The following ANK2 variants were observed in gnomAD, a reference collection of about 807,000 sequenced individuals.
ANK2 encodes the protein ankyrin 2.
A neutral mutation model predicts 360.5 loss-of-function variants in ANK2; 83 were observed. The ratio of observed to expected loss-of-function variants is 0.23; its 90% CI spans 0.19 to 0.28. ANK2 has a LOEUF of 0.28. Among genes scored for constraint, ANK2 ranks in the 10% least tolerant of loss-of-function variants. The pLI is 1.00. For synonymous variants in ANK2, 1,740 were observed against 1,759.5 expected (o/e 0.99, Z 0.28); for missense variants, 4,201 against 4,795.7 (o/e 0.88, Z 3.66).
chr4:112,806,396 C>A, the ANK2 span, among the ~76,000 whole-genome samples: 1 of 152,224 alleles, frequency 6.6e-6, no homozygotes, highest in Non-Finnish European at 1.5e-5. Flanking sequence ...TCTTCTTATG[C>A]TGGAATGCTA....
rs766615247 is a variant in ANK2, at chr4:113,369,704, G to C, written c.11509G>C (p.Glu3837Gln). The change falls in exon 43 of 46, where the codon GAG (glutamate) becomes CAG (glutamine). Residue 3837 changes from glutamate (E) to glutamine (Q), a missense_variant. This residue lies in a region of ANK2 where 2,642 missense variants were observed against 2,714.5 expected (regional missense o/e 0.97). Transcript: ENST00000357077. ...QEPEEPSEHREESSPRKTSLV... is the reference protein window; with the variant it reads ...QEPEEPSEHRQESSPRKTSLV... Reference sequence around the variant, plus strand: ...ACCCGAAGAGCCCTCAGAGCACAGAGAGGAGAGCTCTCCGCGGAAAACCAG... The same window carrying C: ...ACCCGAAGAGCCCTCAGAGCACAGACAGGAGAGCTCTCCGCGGAAAACCAG... 3.1e-6 allele frequency: 5 copies of C among 1,614,004 alleles called. No homozygotes were observed. The highest frequency in any genetic ancestry group is 1.7e-5 in the Admixed American group (1 of 60,010).
intron 1 of ANK2, among the ~76,000 whole-genome samples, chr4:112,880,074 TCACA>T (rs386401176): frequency 8.7e-5 from 13 of 150,276 alleles, no homozygotes; most frequent in Non-Finnish European, 1.5e-4. Context: ...TCTCTCTCTC[TCACA>T]CACACACACA....
intron 1 of ANK2, among the ~76,000 whole-genome samples, chr4:113,090,164 G>C (rs2087101709): frequency 1.3e-5 from 2 of 152,182 alleles, no homozygotes; most frequent in African/African-American, 4.8e-5. Context: ...CTTTCCCAAA[G>C]AGTGAGATTC....
At chr4:112,844,094 T>C (rs1322473097) in intron 1 of ANK2, among the ~76,000 whole-genome samples, 1 of 152,206 alleles carries the variant, frequency 6.6e-6, no homozygotes, top group Admixed American at 6.5e-5. Flanking sequence ...CTATTGTGAA[T>C]AGTATGTCAG....
chr4:113,237,900 A>G (rs768121473), intron 7 of ANK2, among the ~76,000 whole-genome samples: 48 of 152,218 alleles, frequency 3.2e-4, no homozygotes, highest in Non-Finnish European at 5.6e-4. Context: ...AGTGAGATTT[A>G]CTATTAACTT....
At chr4:113,136,006 G>T (rs1374461600) in intron 1 of ANK2, among the ~76,000 whole-genome samples, 1 of 152,062 alleles carries the variant, frequency 6.6e-6, no homozygotes, top group Non-Finnish European at 1.5e-5. Flanking sequence ...TTGTGTTTGG[G>T]CCTGCGTATA....
At chr4:113,308,536 A>G (rs1227176796) in intron 23 of ANK2, among the ~76,000 whole-genome samples, 1 of 152,232 alleles carries the variant, frequency 6.6e-6, no homozygotes, top group East Asian at 1.9e-4. Context: ...ATTTAAGAGA[A>G]GTAGAGACAG....
Position 112,860,978 on chromosome 4 carries a change from A to G in ANK2, c.-40+42714A>G, listed in dbSNP as rs2067822111. 2.6e-5 allele frequency among the ~76,000 whole-genome samples: 4 copies of G among 152,360 alleles called. No individual in the cohort carries two copies. The South Asian group carries it at 8.3e-4, about 32-fold the overall frequency. On this transcript the variant is annotated intron_variant, in intron 1 of 30. Transcript: ENST00000503271. ...GAAGGTAGTTAAAGCTAAAAGAAGC[A>G]AAGCTTTTAGATTTAATTCAGTGGG...
the ANK2 span, among the ~76,000 whole-genome samples, chr4:112,812,147 C>T: frequency 1.3e-5 from 2 of 148,924 alleles, no homozygotes; most frequent in Non-Finnish European, 3.0e-5. Flanking sequence ...AGAAAGAATT[C>T]ATACTTAACT....
At chr4:112,852,231 A>G (rs1182785873) in intron 1 of ANK2, among the ~76,000 whole-genome samples, 1 of 152,218 alleles carries the variant, frequency 6.6e-6, no homozygotes, top group Non-Finnish European at 1.5e-5. Context: ...TCCTATATGC[A>G]CCTTTGCCCA....
chr4:113,356,801 A>C lies in ANK2; in HGVS notation c.8183A>C (p.Glu2728Ala). The change falls in exon 38 of 46, where the codon GAA (glutamate) becomes GCA (alanine). Residue 2728 changes from glutamate (E) to alanine (A), a missense_variant. By Grantham distance (107) the Glu-to-Ala change is moderately radical. Transcript: ENST00000357077. ...TTCAAGATGAATGAAGATACTCAGG[A>C]AGAGCCAGGCAAATCAGAAGAAGAA... ...YTFKMNEDTQ[E>A]EPGKSEEEKD... 5 of 1,614,122 alleles carry C rather than the reference A, an allele frequency of 3.1e-6. No individual in the cohort carries two copies. The highest frequency in any genetic ancestry group is 4.2e-6 in the Non-Finnish European group (5 of 1,179,986).
chr4:112,884,318 A>G (rs2077645647), intron 1 of ANK2, among the ~76,000 whole-genome samples: 1 of 152,206 alleles, frequency 6.6e-6, no homozygotes, highest in Non-Finnish European at 1.5e-5. Context: ...AGGGCTAGGT[A>G]GGAAATATTT....
rs553116512 is a variant in ANK2, at chr4:113,293,529, C to A, written c.2466C>A (p.Thr822=). The change falls in exon 22 of 46, where the codon ACC becomes ACA. Residue 822 remains threonine, a synonymous_variant. Transcript: ENST00000357077. ...TLKVVTEEVT[T]TTTTITEKHK... ...AGGTTGTGACTGAGGAGGTCACCAC[C>A]ACCACCACAGTGAGTATGAGTGACT... 6.2e-7 allele frequency: 1 copy of A among 1,612,888 alleles called. No individual in the cohort carries two copies. Among genetic ancestry groups the A allele is most frequent in the African/African-American group, 1.3e-5 (1 of 75,042 alleles).
intron 1 of ANK2, among the ~76,000 whole-genome samples, chr4:113,050,378 G>A (rs994851022): frequency 6.6e-6 from 1 of 152,132 alleles, no homozygotes; most frequent in African/African-American, 2.4e-5. Context: ...ACATTAGTGT[G>A]ATAGCTCTTT....
At chr4:113,305,707 A>G (rs2076979977) in intron 23 of ANK2, among the ~76,000 whole-genome samples, 1 of 152,316 alleles carries the variant, frequency 6.6e-6, no homozygotes, top group East Asian at 1.9e-4. Flanking sequence ...TGTGAGGTTA[A>G]TATGTTTTTA....
intron 2 of ANK2, among the ~76,000 whole-genome samples, chr4:112,990,924 A>G (rs2046515780): frequency 6.6e-6 from 1 of 152,152 alleles, no homozygotes; most frequent in Admixed American, 6.5e-5. Flanking sequence ...ATGTTCTTAA[A>G]TTACAACCAA....
intron 2 of ANK2, among the ~76,000 whole-genome samples, chr4:112,950,974 T>C (rs1027520420): frequency 5.1e-4 from 74 of 143,846 alleles, no homozygotes; most frequent in African/African-American, 1.8e-3. Context: ...CCCAGCTACT[T>C]GGGAGGCTGA....
At chr4:112,880,101 C>T (rs1448667502) in intron 1 of ANK2, among the ~76,000 whole-genome samples, 1 of 152,092 alleles carries the variant, frequency 6.6e-6, no homozygotes, top group Admixed American at 6.6e-5. Flanking sequence ...CATATACTCT[C>T]TTACAGCTTT....
intron 1 of ANK2, among the ~76,000 whole-genome samples, chr4:113,154,566 T>G (rs1052728706): frequency 6.6e-6 from 1 of 152,256 alleles, no homozygotes; most frequent in African/African-American, 2.4e-5. Flanking sequence ...CTAAAAGTTC[T>G]TAATATATCG....
Sources: allele counts gnomAD v4.1 joint callset (sites outside exome capture counted in the v4.1 genomes callset), GRCh38; gene constraint gnomAD v4.1.1; regional missense constraint gnomAD v4.1.1; transcripts MANE v1.5; gene names NCBI Gene and HGNC (gene_info 2026-07-23, HGNC 2026-07-21).